PARD3B: variants seen among roughly 807,000 people sequenced by gnomAD.
PARD3B encodes the protein partitioning defective 3 homolog B.
Under a neutral mutation model 130.2 loss-of-function variants are expected in PARD3B, and 103 were observed. That is an observed-to-expected ratio of 0.79 (90% CI 0.67 to 0.93). PARD3B has a LOEUF of 0.93. Ranked by LOEUF, PARD3B falls within the 40% of genes least tolerant of loss-of-function variation. The pLI, the probability that PARD3B is intolerant of heterozygous loss-of-function variation, is 0.00. For synonymous variants in PARD3B, 583 were observed against 553.2 expected, an observed-to-expected ratio of 1.05 and a Z score of -0.76; for missense variants, 1,609 against 1,499.2, an observed-to-expected ratio of 1.07 and a Z score of -1.21.
chr2:205,578,179 CCA>C (rs895860808), intron 22 of PARD3B, among the ~76,000 whole-genome samples: 21 of 152,128 alleles, frequency 1.4e-4, no homozygotes, highest in Non-Finnish European at 1.5e-5. Context: ...ATTGATTTCC[CCA>C]CAGACTCCAC....
intron 18 of PARD3B, among the ~76,000 whole-genome samples, chr2:205,378,335 G>T (rs544322164): frequency 1.7e-4 from 26 of 152,288 alleles, no homozygotes; most frequent in Admixed American, 5.2e-4. Flanking sequence ...GTTGAACAAA[G>T]GGATTCGAGG....
chr2:204,697,407 C>G (rs1411238672), intron 2 of PARD3B, among the ~76,000 whole-genome samples: 1 of 152,070 alleles, frequency 6.6e-6, no homozygotes, highest in Non-Finnish European at 1.5e-5. Flanking sequence ...CCCTATTGCT[C>G]TAAGAAATCG....
chr2:205,497,375 T>C (rs1376887883), intron 20 of PARD3B, among the ~76,000 whole-genome samples: 1 of 151,182 alleles, frequency 6.6e-6, no homozygotes, highest in African/African-American at 2.4e-5. Context: ...TGCAATTAAC[T>C]TACCATCTAG....
chr2:205,000,409 T>G (rs1328003513), intron 3 of PARD3B, among the ~76,000 whole-genome samples: 1 of 152,160 alleles, frequency 6.6e-6, no homozygotes, highest in African/African-American at 2.4e-5. Flanking sequence ...GAAATAACCT[T>G]TCTTAGTTCT....
intron 21 of PARD3B, among the ~76,000 whole-genome samples, chr2:205,508,683 A>G (rs775338358): frequency 5.3e-5 from 8 of 152,138 alleles, no homozygotes; most frequent in African/African-American, 1.2e-4. Flanking sequence ...CTCTATCCCA[A>G]TGGTTCCCTC....
intron 2 of PARD3B, among the ~76,000 whole-genome samples, chr2:204,958,599 C>T (rs956729581): frequency 2.0e-5 from 3 of 152,070 alleles, no homozygotes; most frequent in Non-Finnish European, 4.4e-5. Context: ...AAGCAAAATA[C>T]GGATAAACAA....
intron 18 of PARD3B, among the ~76,000 whole-genome samples, chr2:205,323,823 C>A (rs1463951843): frequency 6.6e-6 from 1 of 152,206 alleles, no homozygotes; most frequent in Non-Finnish European, 1.5e-5. Flanking sequence ...GTTATGTCTA[C>A]TGCAGAAGGG....
At chr2:204,608,190 A>G (rs2033796894) in intron 1 of PARD3B, among the ~76,000 whole-genome samples, 1 of 152,208 alleles carries the variant, frequency 6.6e-6, no homozygotes, top group Non-Finnish European at 1.5e-5. Flanking sequence ...TTTAAACAGC[A>G]CAGGCTTGTG....
chr2:204,668,412 A>G (rs2036124267), intron 1 of PARD3B, among the ~76,000 whole-genome samples: 1 of 152,160 alleles, frequency 6.6e-6, no homozygotes, highest in African/African-American at 2.4e-5. Context: ...CTGTTGTCTC[A>G]TGGACTGTTT....
rs1575863608 is a variant in PARD3B at position 205,125,188 on chromosome 2, A to G, written c.1306-421A>G. Among the ~76,000 whole-genome samples the G allele has an allele frequency of 6.6e-6, 1 of 152,328 alleles. No homozygotes were observed. Among genetic ancestry groups the G allele is most frequent in the East Asian group, 1.9e-4 (1 of 5,188 alleles). ...ATCTGGTGACTATAATTTTCTAAAT[A>G]TGTTTAAAACCTGCAGGATTCTATT... On this transcript the variant is annotated intron_variant, in intron 9 of 22. Coordinates refer to ENST00000406610, the MANE Select transcript of PARD3B (RefSeq NM_001302769.2). The surrounding 1 kb of genome is among the most constrained non-coding windows in gnomAD (Gnocchi z 4.0).
chr2:205,255,491 C>A (rs1177329703), intron 16 of PARD3B, among the ~76,000 whole-genome samples: 2 of 152,104 alleles, frequency 1.3e-5, no homozygotes, highest in East Asian at 1.9e-4. Context: ...ATCTACCTGG[C>A]GATAGAGTCA....
At chr2:204,725,103 G>A (rs1223769819) in intron 2 of PARD3B, among the ~76,000 whole-genome samples, 5 of 152,006 alleles carry the variant, frequency 3.3e-5, no homozygotes, top group Admixed American at 6.6e-5. Context: ...TTGAATTTGA[G>A]GAAAGACAAA....
intron 4 of PARD3B, among the ~76,000 whole-genome samples, chr2:205,057,383 CAT>C (rs1699723194): frequency 1.3e-5 from 1 of 76,480 alleles, no homozygotes; most frequent in Non-Finnish European, 3.1e-5. Flanking sequence ...TATACATATA[CAT>C]ATATACATGT....
At chr2:205,491,958 A>G (rs1421956862) in intron 20 of PARD3B, among the ~76,000 whole-genome samples, 1 of 152,110 alleles carries the variant, frequency 6.6e-6, no homozygotes, top group Non-Finnish European at 1.5e-5. Flanking sequence ...CTGATGTATT[A>G]TTGTGATTTT....
chr2:204,757,716 A>T (rs1243825413), intron 2 of PARD3B, among the ~76,000 whole-genome samples: 1 of 152,176 alleles, frequency 6.6e-6, no homozygotes, highest in African/African-American at 2.4e-5. Flanking sequence ...ATTTTTATTT[A>T]AAATTCAGAT....
intron 15 of PARD3B, among the ~76,000 whole-genome samples, chr2:205,224,290 G>C (rs2038406753): frequency 7.4e-6 from 1 of 135,524 alleles, no homozygotes; most frequent in African/African-American, 2.8e-5. Context: ...AGAATGGTGT[G>C]AGCCCAGGAG....
chr2:205,588,599 T>C (rs1001364578), intron 22 of PARD3B, among the ~76,000 whole-genome samples: 7 of 152,124 alleles, frequency 4.6e-5, no homozygotes, highest in African/African-American at 1.4e-4. Context: ...AATGAATCAA[T>C]GAATAAAGTG....
At chr2:204,833,490 C>T (rs1476141101) in intron 2 of PARD3B, among the ~76,000 whole-genome samples, 1 of 151,946 alleles carries the variant, frequency 6.6e-6, no homozygotes, top group African/African-American at 2.4e-5. Flanking sequence ...GGCTGTGTCC[C>T]CACCCAATTC....
intron 1 of PARD3B, among the ~76,000 whole-genome samples, chr2:204,622,226 A>G (rs1334574315): frequency 6.6e-6 from 1 of 152,192 alleles, no homozygotes; most frequent in Non-Finnish European, 1.5e-5. Flanking sequence ...CACTAACTCA[A>G]AACACGCAAC....
Sources: allele counts gnomAD v4.1 joint callset (sites outside exome capture counted in the v4.1 genomes callset), GRCh38; gene constraint gnomAD v4.1.1; non-coding constraint Gnocchi (gnomAD v3.1); transcripts MANE v1.5; gene names NCBI Gene and HGNC (gene_info 2026-07-23, HGNC 2026-07-21).